GAS2L3: variants seen among roughly 807,000 people sequenced by gnomAD.
GAS2L3 encodes the protein growth arrest specific 2 like 3.
Under a neutral mutation model 37.0 loss-of-function variants are expected in GAS2L3, and 28 were observed. The observed-to-expected ratio is 0.76, with a 90% CI of 0.56 to 1.04. GAS2L3 has a LOEUF of 1.04. Ranked by LOEUF, GAS2L3 falls within the 50% of genes least tolerant of loss-of-function variation. GAS2L3 has a pLI of 0.00. For synonymous variants in GAS2L3, 290 were observed against 296.6 expected (o/e 0.98, Z 0.23); for missense variants, 793 against 817.6 (o/e 0.97, Z 0.37).
chr12:100,604,914 G>A (rs1330911358), intron 5 of GAS2L3, among the ~76,000 whole-genome samples: 1 of 152,018 alleles, frequency 6.6e-6, no homozygotes, highest in East Asian at 1.9e-4. Flanking sequence ...ATTTGCATAT[G>A]TTGAAACATC....
In GAS2L3 at chr12:100,617,109, G is replaced by A. The variant is rs115983132; in HGVS notation, c.446-635G>A. ...GTTTTTTTCCTTTATTCTGCTAATA[G>A]TATATTGCATTGGGTTGATTTTCTT... On this transcript the variant is annotated intron_variant, in intron 6 of 9. Coordinates refer to ENST00000547754, the MANE Select transcript of GAS2L3 (RefSeq NM_174942.3). Among the ~76,000 whole-genome samples the A allele has an allele frequency of 6.0e-3, 910 of 150,984 alleles. 6 individuals are homozygous for A. The highest frequency in any genetic ancestry group is 0.021 in the African/African-American group (856 of 41,130).
intron 6 of GAS2L3, among the ~76,000 whole-genome samples, chr12:100,614,826 T>C (rs550491053): frequency 2.0e-5 from 3 of 152,356 alleles, no homozygotes; most frequent in Admixed American, 2.0e-4. Context: ...GGTTCATTTA[T>C]GTTGTAGCAT....
At chr12:100,591,938 G>A (rs1438695571) in intron 2 of GAS2L3, 82 bp downstream of exon 2, 1 of 152,082 alleles carries the variant, frequency 6.6e-6, no homozygotes, top group Non-Finnish European at 1.5e-5. Context: ...TTATTAGGCA[G>A]TTAGGAAACA....
chr12:100,610,518 A>ATT (rs199583019), intron 5 of GAS2L3, among the ~76,000 whole-genome samples: 119 of 146,044 alleles, frequency 8.1e-4, no homozygotes, highest in East Asian at 2.6e-3. Flanking sequence ...TATTGGTTTG[A>ATT]TTTTTTTTTT....
intron 2 of GAS2L3, among the ~76,000 whole-genome samples, chr12:100,593,008 A>G (rs1473357824): frequency 6.6e-6 from 1 of 152,144 alleles, no homozygotes; most frequent in Non-Finnish European, 1.5e-5. Flanking sequence ...ATAGGTAATA[A>G]AATGAAGGAG....
At position 100,624,600 on chromosome 12, in the gene GAS2L3, A is replaced by G. The variant is rs769401229; in HGVS notation, c.1795A>G (p.Lys599Glu). 6.2e-7 allele frequency: 1 copy of G among 1,614,114 alleles called. No homozygotes were observed. The highest frequency in any genetic ancestry group is 8.5e-7 in the Non-Finnish European group (1 of 1,180,038). The change falls in exon 10 of 10, where the codon AAG (lysine) becomes GAG (glutamate). Residue 599 changes from lysine to glutamate, a missense_variant. By Grantham distance (56) the Lys-to-Glu change is moderately conservative. Coordinates refer to ENST00000547754, the MANE Select transcript of GAS2L3 (RefSeq NM_174942.3). ...GCCTCAGAATAAAAGTGCATTTCAG[A>G]AGACAGGACCCAGCTCCTTGAAGTC... is the stretch of plus-strand genomic sequence containing the variant. ...KQPQNKSAFQ[K>E]TGPSSLKSPG...
At chr12:100,596,353 T>C (rs534135319) in intron 3 of GAS2L3, among the ~76,000 whole-genome samples, 62 of 152,244 alleles carry the variant, frequency 4.1e-4, no homozygotes, top group African/African-American at 1.5e-3. Context: ...ACATTGCCCA[T>C]GTTTTTTCTT....
intron 1 of GAS2L3, chr12:100,579,128 A>T (rs1955675662): frequency 4.3e-6 from 3 of 704,894 alleles, no homozygotes; most frequent in Admixed American, 3.8e-5. Flanking sequence ...CCATTCACAT[A>T]GTTCATTTTC....
intron 5 of GAS2L3, among the ~76,000 whole-genome samples, chr12:100,608,763 G>A (rs777220123): frequency 9.9e-5 from 15 of 152,068 alleles, no homozygotes; most frequent in East Asian, 1.9e-4. Context: ...CGCCCGCCTC[G>A]GCCTCCCAAA....
intron 1 of GAS2L3, among the ~76,000 whole-genome samples, chr12:100,590,643 T>C (rs1156675682): frequency 6.6e-6 from 1 of 152,144 alleles, no homozygotes; most frequent in Non-Finnish European, 1.5e-5. Context: ...GATTCACAAT[T>C]GCAAAATCAT....
In GAS2L3 at chr12:100,609,683, C is replaced by T. The variant is rs2136514824; in HGVS notation, c.304-2317C>T. On this transcript the variant is annotated intron_variant, in intron 5 of 9. Transcript: ENST00000547754. ...AGTTCGCTTAGGTCCTCAGAGCACT[C>T]CAGTTTGTGGTAGCAAGGCTTGTCT... Among the ~76,000 whole-genome samples, 2 of 152,264 alleles carry T rather than the reference C, an allele frequency of 1.3e-5. 1 individual carries two copies. Among genetic ancestry groups the T allele is most frequent in the South Asian group, 4.1e-4 (2 of 4,822 alleles).
At chr12:100,580,298 T>G in intron 1 of GAS2L3, 1 of 392,506 alleles carries the variant, frequency 2.5e-6, no homozygotes, top group South Asian at 5.3e-5. Flanking sequence ...TATTAGTTTT[T>G]TATAAGTTAA....
At chr12:100,623,252 T>C (rs969587543) in intron 9 of GAS2L3, among the ~76,000 whole-genome samples, 6 of 152,176 alleles carry the variant, frequency 3.9e-5, no homozygotes, top group Admixed American at 1.3e-4. Flanking sequence ...GCTTACTGAA[T>C]GGACAGGGCC....
At chr12:100,621,606 T>C (rs1956252260) in intron 8 of GAS2L3, among the ~76,000 whole-genome samples, 1 of 152,020 alleles carries the variant, frequency 6.6e-6, no homozygotes, top group Non-Finnish European at 1.5e-5. Flanking sequence ...GATGTAAATA[T>C]GTTTCTGCCA....
At chr12:100,619,190 T>A (rs555166539) in intron 8 of GAS2L3, among the ~76,000 whole-genome samples, 4 of 151,936 alleles carry the variant, frequency 2.6e-5, no homozygotes, top group African/African-American at 4.8e-5. Flanking sequence ...TGAGGGAAGA[T>A]TGATGGGTTT....
intron 1 of GAS2L3, among the ~76,000 whole-genome samples, chr12:100,576,517 A>G (rs1186312062): frequency 1.3e-5 from 2 of 152,172 alleles, no homozygotes; most frequent in East Asian, 3.8e-4. Flanking sequence ...ACCTTTACAG[A>G]TCTAATGAGT....
In GAS2L3 at chr12:100,587,623, A is replaced by G. The variant is rs375956671; in HGVS notation, c.-151-4113A>G. ...CCATCTATGGACAAACCCACATCCAACGTAATGCTGAATGGGGAAAAGTTG... is the reference window on the plus strand; with the variant it reads ...CCATCTATGGACAAACCCACATCCAGCGTAATGCTGAATGGGGAAAAGTTG... On this transcript the variant is annotated intron_variant, in intron 1 of 9. Transcript: ENST00000547754. 3.0e-4 allele frequency among the ~76,000 whole-genome samples: 45 copies of G among 152,306 alleles called. 1 individual carries two copies. Among genetic ancestry groups the G allele is most frequent in the African/African-American group, 1.0e-3 (43 of 41,566 alleles).
Position 100,600,375 on chromosome 12 carries a change from TC to T in GAS2L3, c.19-6del. The T allele has an allele frequency of 6.4e-7, 1 of 1,553,922 alleles. No homozygotes were observed. Among genetic ancestry groups the T allele is most frequent in the Non-Finnish European group, 8.7e-7 (1 of 1,153,144 alleles). ...TCATTCAGTTGATTGATTTTTTTTT[TC>T]TTTAGGTATGGTTTGGAGAAGATCT... On this transcript the variant is annotated splice_region_variant and splice_polypyrimidine_tract_variant and intron_variant, in intron 3 of 9. Transcript: ENST00000547754.
chr12:100,599,485 A>G (rs907221196), intron 3 of GAS2L3, among the ~76,000 whole-genome samples: 31 of 152,362 alleles, frequency 2.0e-4, no homozygotes, highest in Admixed American at 1.8e-3. Context: ...CCATTTTAAA[A>G]TGTACAAACT....
Sources: allele counts gnomAD v4.1 joint callset (sites outside exome capture counted in the v4.1 genomes callset), GRCh38; gene constraint gnomAD v4.1.1; transcripts MANE v1.5; gene names NCBI Gene and HGNC (gene_info 2026-07-23, HGNC 2026-07-21).